Variants in ERG observed in about 807,000 individuals in gnomAD.
ERG encodes transcriptional regulator ERG.
Under a neutral mutation model 55.3 loss-of-function variants are expected in ERG, and 9 were observed. The ratio of observed to expected loss-of-function variants is 0.16; its 90% CI spans 0.10 to 0.28. The LOEUF (loss-of-function observed/expected upper bound fraction) is 0.28, where lower values mean the gene tolerates loss of function less well. Ranked by LOEUF, ERG falls within the 10% of genes least tolerant of loss-of-function variation. The probability of loss-of-function intolerance (pLI) is 1.00; values close to 1 mark genes in which losing one functional copy is unlikely to be tolerated. For missense variants in ERG, 434 were observed against 631.6 expected, an observed-to-expected ratio of 0.69 and a Z score of 3.35; for synonymous variants, 223 against 237.3, an observed-to-expected ratio of 0.94 and a Z score of 0.55.
At chr21:38,610,689 T>A (rs941092920) in intron 1 of ERG, among the ~76,000 whole-genome samples, 6 of 152,096 alleles carry the variant, frequency 3.9e-5, no homozygotes, top group African/African-American at 1.2e-4. Flanking sequence ...TGCTGTGGTG[T>A]GAGAAAGGAA....
chr21:38,529,166 C>T (rs1310031056), intron 2 of ERG, among the ~76,000 whole-genome samples: 2 of 151,960 alleles, frequency 1.3e-5, no homozygotes. Context: ...TCCACATTGC[C>T]GAGGGAAGTA....
chr21:38,403,018 T>A (rs1199857419), intron 4 of ERG, among the ~76,000 whole-genome samples: 1 of 152,194 alleles, frequency 6.6e-6, no homozygotes, highest in African/African-American at 2.4e-5. Flanking sequence ...TCCCTTTCTG[T>A]CAGGTTAAGC....
At chr21:38,559,383 CTTTTTTTTTTT>C (rs574207119) in intron 2 of ERG, among the ~76,000 whole-genome samples, 1 of 92,076 alleles carries the variant, frequency 1.1e-5, no homozygotes, top group African/African-American at 4.8e-5. Context: ...TCCCATTTCC[CTTTTTTTTTTT>C]TTTTTTTTTT....
chr21:38,428,556 A>T (rs1288350242), intron 2 of ERG, among the ~76,000 whole-genome samples: 1 of 152,218 alleles, frequency 6.6e-6, no homozygotes, highest in African/African-American at 2.4e-5. Flanking sequence ...CTGAAGTAGG[A>T]CAGTGTGTCA....
chr21:38,517,766 C>T (rs2059562827), intron 2 of ERG, among the ~76,000 whole-genome samples: 1 of 152,100 alleles, frequency 6.6e-6, no homozygotes, highest in Non-Finnish European at 1.5e-5. Context: ...CAATGGAATA[C>T]TATTTGGCCA....
intron 6 of ERG, among the ~76,000 whole-genome samples, chr21:38,396,712 C>T (rs1015786551): frequency 6.6e-5 from 10 of 152,122 alleles, no homozygotes; most frequent in Non-Finnish European, 1.2e-4. Context: ...GGGTGGTGCA[C>T]TGTGTAGTTA....
chr21:38,415,809 A>G (rs1230716962), intron 3 of ERG, among the ~76,000 whole-genome samples: 3 of 152,038 alleles, frequency 2.0e-5, no homozygotes, highest in Non-Finnish European at 2.9e-5. Context: ...GATTCCTGCT[A>G]GTTAGATCTA....
chr21:38,476,708 C>A (rs2059191323), intron 1 of ERG, among the ~76,000 whole-genome samples: 1 of 152,166 alleles, frequency 6.6e-6, no homozygotes, highest in Non-Finnish European at 1.5e-5. Flanking sequence ...TCCTTCCCCC[C>A]TCCTTGTAGA....
intron 2 of ERG, among the ~76,000 whole-genome samples, chr21:38,522,000 AG>A (rs1178179520): frequency 6.6e-6 from 1 of 152,208 alleles, no homozygotes; most frequent in Non-Finnish European, 1.5e-5. Context: ...TAAAGTTCTC[AG>A]TATGAAGGGT....
rs760729141 is a variant in ERG, at chr21:38,391,692, C to T, written c.838G>A (p.Val280Met). 1 of 1,613,868 alleles carries T rather than the reference C, an allele frequency of 6.2e-7. No homozygotes were observed. Among genetic ancestry groups the T allele is most frequent in the Non-Finnish European group, 8.5e-7 (1 of 1,179,958 alleles). Residue 280 changes from valine (V) to methionine (M), a missense_variant, in exon 8 of 10, where the codon GTG (valine) becomes ATG (methionine). Coordinates refer to ENST00000288319, the MANE Select transcript of ERG (RefSeq NM_182918.4). ...SKAAQPSPST[V>M]PKTEDQRPQL... ...GGACGCTGGTCTTCAGTTTTGGGCA[C>T]TGTGGAAGGAGATGGTTGAGCAGCT...
chr21:38,656,481 C>G (rs933698745), intron 1 of ERG, among the ~76,000 whole-genome samples: 2 of 152,168 alleles, frequency 1.3e-5, no homozygotes, highest in Admixed American at 6.5e-5. Context: ...TGACGGTGCA[C>G]AAGCTAATAT....
chr21:38,611,273 C>T (rs974145767), intron 1 of ERG, among the ~76,000 whole-genome samples: 1 of 152,200 alleles, frequency 6.6e-6, no homozygotes, highest in Non-Finnish European at 1.5e-5. Flanking sequence ...AAACTACTGT[C>T]CACAAGGCAA....
chr21:38,536,159 C>G (rs1322488110), intron 2 of ERG, among the ~76,000 whole-genome samples: 1 of 152,054 alleles, frequency 6.6e-6, no homozygotes, highest in Non-Finnish European at 1.5e-5. Context: ...TAAGTTACCC[C>G]TAAAAATCGA....
At chr21:38,645,920 C>T (rs1397578489) in intron 1 of ERG, among the ~76,000 whole-genome samples, 3 of 152,100 alleles carry the variant, frequency 2.0e-5, no homozygotes, top group African/African-American at 7.2e-5. Flanking sequence ...CCCAGGAAGA[C>T]GTCGACCAGC....
upstream of ERG, among the ~76,000 whole-genome samples, chr21:38,589,765 T>C (rs1190749923): frequency 6.6e-6 from 1 of 152,182 alleles, no homozygotes; most frequent in Non-Finnish European, 1.5e-5. Flanking sequence ...CTTGTGTTTC[T>C]ACCTATGGTA....
At chr21:38,611,046 G>C (rs74990434) in intron 1 of ERG, among the ~76,000 whole-genome samples, 3,404 of 152,248 alleles carry the variant, frequency 0.022, 76 homozygotes, top group East Asian at 0.093. Flanking sequence ...GGAACACAGA[G>C]GTAATCCCTT....
At chr21:38,406,034 A>G (rs1489042670) in intron 3 of ERG, among the ~76,000 whole-genome samples, 2 of 151,770 alleles carry the variant, frequency 1.3e-5, no homozygotes, top group South Asian at 2.1e-4. Flanking sequence ...GGGTGCCTGT[A>G]GTCTCAGCTA....
chr21:38,659,429 C>G (rs1357642876), intron 1 of ERG, among the ~76,000 whole-genome samples: 1 of 152,224 alleles, frequency 6.6e-6, no homozygotes, highest in East Asian at 1.9e-4. Context: ...GCCCCGGGAG[C>G]GGGCACCAGC....
intron 1 of ERG, among the ~76,000 whole-genome samples, chr21:38,581,745 G>A (rs1178679735): frequency 1.3e-5 from 2 of 152,110 alleles, no homozygotes; most frequent in African/African-American, 4.8e-5. Context: ...GCAACCCAAT[G>A]CTAAAGGGAC....
Sources: gnomAD v4.1 joint callset for allele counts (sites outside exome capture counted in the v4.1 genomes callset) on GRCh38, gnomAD v4.1.1 for gene constraint, MANE v1.5 for transcripts, NCBI Gene and HGNC (gene_info 2026-07-23, HGNC 2026-07-21) for gene names.